Variants in SPHKAP observed in about 807,000 individuals in gnomAD.
SPHKAP encodes the protein SPHK1 interactor, AKAP domain containing, also known as A-kinase anchor protein SPHKAP.
A neutral mutation model predicts 137.5 loss-of-function variants in SPHKAP; 67 were observed. That is an observed-to-expected ratio of 0.49 (90% CI 0.40 to 0.60). The LOEUF (loss-of-function observed/expected upper bound fraction) is 0.60, where lower values mean the gene tolerates loss of function less well. SPHKAP is among the 20% of genes least tolerant of loss of function. The pLI, the probability that SPHKAP is intolerant of heterozygous loss-of-function variation, is 0.00. For synonymous variants in SPHKAP, 813 were observed against 785.3 expected, an observed-to-expected ratio of 1.04 and a Z score of -0.59; for missense variants, 2,097 against 2,069.3, an observed-to-expected ratio of 1.01 and a Z score of -0.26.
chr2:228,025,860 C>T lies in SPHKAP; in HGVS notation c.307-332G>A, dbSNP rs151324080. Reference sequence around the variant, plus strand: ...AAAAATTTTCCCTTTTAAGACCTTGCATAAAACATTTTTTGTTTTAACTAA... The same window carrying T: ...AAAAATTTTCCCTTTTAAGACCTTGTATAAAACATTTTTTGTTTTAACTAA... On this transcript the variant is annotated intron_variant, in intron 4 of 11. Transcript: ENST00000392056. 50 of 984,832 alleles carry T rather than the reference C, an allele frequency of 5.1e-5. No homozygotes were observed. The African/African-American group carries it at 7.7e-4, about 15-fold the overall frequency. The allele number at this position is 984,832 out of a possible 1,614,324, so 61.0% of individuals were successfully genotyped here.
intron 1 of SPHKAP, among the ~76,000 whole-genome samples, chr2:228,155,338 C>G (rs1468329154): frequency 6.6e-6 from 1 of 151,894 alleles, no homozygotes; most frequent in Non-Finnish European, 1.5e-5. Context: ...GATAATTAAA[C>G]AGCCATAACC....
In SPHKAP at chr2:228,020,081, T is replaced by A; in HGVS notation, c.773A>T (p.Asn258Ile). The change falls in exon 7 of 12, where the codon AAT becomes ATT. Residue 258 changes from asparagine to isoleucine, a missense_variant. By Grantham distance (149) the Asn-to-Ile change is moderately radical (BLOSUM62 -3). Coordinates refer to ENST00000392056, the MANE Select transcript of SPHKAP (RefSeq NM_001142644.2). ...QLKGATQVEW[N>I]CNKEKWLYAL... ...ATAAAGCCACTTTTCCTTGTTGCAA[T>A]TCCATTCCACCTGGGTGGCTCCCTT... The A allele has an allele frequency of 6.2e-7, 1 of 1,614,188 alleles. No homozygotes were observed. Among genetic ancestry groups the A allele is most frequent in the East Asian group, 2.2e-5 (1 of 44,890 alleles).
rs1694343600 is a variant in SPHKAP at position 228,010,953 on chromosome 2, G to A, written c.4448+5453C>T. Among the ~76,000 whole-genome samples, 4 of 152,062 alleles carry A rather than the reference G, an allele frequency of 2.6e-5. 1 individual carries two copies. In the South Asian group the frequency reaches 6.2e-4, roughly 24 times the overall value. ...GCCTTGATTCCTTGTGTGTCTTTCAGTTTAAGACTCTGAGCTTATACTTGA... is the reference window on the plus strand; with the variant it reads ...GCCTTGATTCCTTGTGTGTCTTTCAATTTAAGACTCTGAGCTTATACTTGA... On this transcript the variant is annotated intron_variant, in intron 7 of 11. Transcript: ENST00000392056.
At chr2:228,015,659 A>G (rs1040575764) in intron 7 of SPHKAP, among the ~76,000 whole-genome samples, 3 of 152,168 alleles carry the variant, frequency 2.0e-5, no homozygotes, top group Non-Finnish European at 4.4e-5. Context: ...CTATGTCATA[A>G]TTTTCTGGAA....
intron 1 of SPHKAP, among the ~76,000 whole-genome samples, chr2:228,168,580 C>T (rs996399577): frequency 6.6e-6 from 1 of 152,164 alleles, no homozygotes; most frequent in African/African-American, 2.4e-5. Flanking sequence ...ACTTAATCGA[C>T]AAATGGTTGT....
At chr2:227,984,299 CAAAAA>C (rs61461358) in intron 11 of SPHKAP, among the ~76,000 whole-genome samples, 3 of 52,838 alleles carry the variant, frequency 5.7e-5, no homozygotes, top group Admixed American at 2.1e-4. Flanking sequence ...GACTCCATCT[CAAAAA>C]AAAAAAAAAA....
Position 228,017,246 on chromosome 2 carries a change from T to G in SPHKAP, c.3608A>C (p.Glu1203Ala), listed in dbSNP as rs565345952. Residue 1203 changes from glutamate (E) to alanine (A), a missense_variant, in exon 7 of 12, where the codon GAA (glutamate) becomes GCA (alanine). By Grantham distance (107) the Glu-to-Ala change is moderately radical. Coordinates refer to ENST00000392056, the MANE Select transcript of SPHKAP (RefSeq NM_001142644.2). ...EFYRYMLRDI[E>A]RDSRESASSR... ...GGAGGCACTTTCTCTGCTGTCTCTT[T>G]CGATGTCCCTCAGCATGTACCTGTA... The G allele has an allele frequency of 6.2e-7, 1 of 1,613,928 alleles. No individual in the cohort carries two copies. The highest frequency in any genetic ancestry group is 1.3e-5 in the African/African-American group (1 of 74,922).
In SPHKAP at chr2:227,980,305, T is replaced by TGGC. The variant is rs1208853967; in HGVS notation, c.*1409_*1411dup. On this transcript the variant is annotated 3_prime_UTR_variant, in exon 12 of 12. Transcript: ENST00000392056. ...TAGGATGGGAGTGGGGAAGGAAGTA[T>TGGC]GGCTTACAAGGGAGCTTTCTTTGCA... 3.3e-5 allele frequency: 5 copies of TGGC among 152,192 alleles called. No homozygotes were observed. Among genetic ancestry groups the TGGC allele is most frequent in the Admixed American group, 6.5e-5 (1 of 15,274 alleles). The allele number at this position is 152,192 out of a possible 1,614,324, so 9.4% of individuals were successfully genotyped here.
intron 3 of SPHKAP, among the ~76,000 whole-genome samples, chr2:228,082,716 C>A (rs1697402062): frequency 6.6e-6 from 1 of 152,114 alleles, no homozygotes; most frequent in Admixed American, 6.6e-5. Context: ...TTCTTGGCTC[C>A]ACTATTTACT....
chr2:227,991,409 G>T, intron 9 of SPHKAP, 83 bp from the exon 10 acceptor site: 1 of 1,604,346 alleles, frequency 6.2e-7, no homozygotes, highest in Admixed American at 1.7e-5. Flanking sequence ...GGGTCTTACT[G>T]ATCTAAAAGC....
chr2:228,140,163 T>A (rs2106385424), intron 1 of SPHKAP, among the ~76,000 whole-genome samples: 1 of 151,708 alleles, frequency 6.6e-6, no homozygotes, highest in African/African-American at 2.4e-5. Flanking sequence ...GCCAGGCTGG[T>A]CTCGATCTCC....
At chr2:228,173,433 A>C (rs548268204) in intron 1 of SPHKAP, among the ~76,000 whole-genome samples, 1 of 152,316 alleles carries the variant, frequency 6.6e-6, no homozygotes, top group South Asian at 2.1e-4. Flanking sequence ...ATCTTAATAT[A>C]AAGATTATGC....
intron 1 of SPHKAP, among the ~76,000 whole-genome samples, chr2:228,169,576 A>C (rs1305269370): frequency 3.3e-5 from 5 of 152,020 alleles, no homozygotes; most frequent in African/African-American, 1.2e-4. Flanking sequence ...TTTCTTGCAA[A>C]ATGTTACTGC....
chr2:227,997,203 G>A (rs1693670225), intron 7 of SPHKAP, among the ~76,000 whole-genome samples: 1 of 152,182 alleles, frequency 6.6e-6, no homozygotes, highest in South Asian at 2.1e-4. Context: ...TGCTTATCAA[G>A]TTTCATGTGC....
rs556318260 is a variant in SPHKAP at position 228,066,890 on chromosome 2, G to A, written c.247-39347C>T. ...CTCGTAAATGGAAGGGTAATACTTC[G>A]GAAACTGTAAATGTATTTTTGATGT... On this transcript the variant is annotated intron_variant, in intron 3 of 11. Coordinates refer to ENST00000392056, the MANE Select transcript of SPHKAP (RefSeq NM_001142644.2). Among the ~76,000 whole-genome samples, 51 of 152,134 alleles carry A rather than the reference G, an allele frequency of 3.4e-4. No individual in the cohort carries two copies. The South Asian group carries it at 9.6e-3, about 29-fold the overall frequency.
chr2:228,171,497 A>T (rs1190606783), intron 1 of SPHKAP, among the ~76,000 whole-genome samples: 1 of 152,162 alleles, frequency 6.6e-6, no homozygotes, highest in Non-Finnish European at 1.5e-5. Context: ...GTCTCTTCTT[A>T]GGAAGAAATA....
intron 3 of SPHKAP, among the ~76,000 whole-genome samples, chr2:228,091,915 T>C (rs993975832): frequency 6.6e-5 from 10 of 152,094 alleles, no homozygotes; most frequent in African/African-American, 1.2e-4. Context: ...ATCCCACTAC[T>C]GGGTATCTAC....
At chr2:228,074,931 C>T (rs1476849534) in intron 3 of SPHKAP, among the ~76,000 whole-genome samples, 1 of 151,892 alleles carries the variant, frequency 6.6e-6, no homozygotes, top group African/African-American at 2.4e-5. Flanking sequence ...CTCAACACAG[C>T]ATGAGATACC....
intron 3 of SPHKAP, among the ~76,000 whole-genome samples, chr2:228,093,076 A>G (rs1697858369): frequency 6.6e-6 from 1 of 152,320 alleles, no homozygotes; most frequent in East Asian, 1.9e-4. Flanking sequence ...ATAAAAAAGC[A>G]CAATGAGTTA....
Sources: allele counts gnomAD v4.1 joint callset (sites outside exome capture counted in the v4.1 genomes callset), GRCh38; gene constraint gnomAD v4.1.1; transcripts MANE v1.5; gene names NCBI Gene and HGNC (gene_info 2026-07-23, HGNC 2026-07-21).